PARD3: variants seen among roughly 807,000 people sequenced by gnomAD.
PARD3 encodes partitioning defective 3 homolog.
PARD3 carries 75 observed loss-of-function variants against 155.4 expected under a neutral mutation model. The observed-to-expected ratio is 0.48, with a 90% confidence interval of 0.40 to 0.58. The LOEUF (loss-of-function observed/expected upper bound fraction) is 0.58. PARD3 is among the 20% of genes least tolerant of loss of function. The pLI, the probability that PARD3 is intolerant of heterozygous loss-of-function variation, is 0.00. For synonymous variants in PARD3, 576 were observed against 610.5 expected, an observed-to-expected ratio of 0.94 and a Z score of 0.83; for missense variants, 1,642 against 1,721.7, an observed-to-expected ratio of 0.95 and a Z score of 0.82.
intron 1 of PARD3, among the ~76,000 whole-genome samples, chr10:34,741,190 T>TTTTTTTG (rs1336053440): frequency 1.3e-4 from 18 of 139,030 alleles, no homozygotes; most frequent in Non-Finnish European, 2.5e-4. Flanking sequence ...TTTTTTTTTT[T>TTTTTTTG]TTTTGTTTGA....
intron 2 of PARD3, among the ~76,000 whole-genome samples, chr10:34,590,922 G>A (rs1273824701): frequency 1.3e-5 from 2 of 152,124 alleles, no homozygotes; most frequent in East Asian, 1.9e-4. Flanking sequence ...TCCTTACTAT[G>A]GCCATTTATT....
intron 1 of PARD3, among the ~76,000 whole-genome samples, chr10:34,711,656 C>CA (rs2094450884): frequency 6.6e-6 from 1 of 152,066 alleles, no homozygotes; most frequent in African/African-American, 2.4e-5. Context: ...ATAGAACAAA[C>CA]AAAGCACTGT....
intron 1 of PARD3, among the ~76,000 whole-genome samples, chr10:34,799,313 A>C (rs1842629626): frequency 6.6e-6 from 1 of 152,104 alleles, no homozygotes; most frequent in Admixed American, 6.5e-5. Flanking sequence ...AAGTGCTGGG[A>C]TTACAAGCGG....
intron 22 of PARD3, among the ~76,000 whole-genome samples, chr10:34,223,464 G>C (rs907298425): frequency 6.6e-6 from 1 of 152,144 alleles, no homozygotes; most frequent in Admixed American, 6.5e-5. Context: ...TTTATTGTTG[G>C]GAGAGTTTCT....
intron 2 of PARD3, among the ~76,000 whole-genome samples, chr10:34,658,118 C>T (rs1415500676): frequency 7.9e-5 from 12 of 151,156 alleles, no homozygotes; most frequent in Middle Eastern, 6.8e-3. Context: ...TGCACTCCAG[C>T]CTGGGCGACA....
chr10:34,257,411 T>G (rs1226113851), intron 22 of PARD3, among the ~76,000 whole-genome samples: 1 of 152,218 alleles, frequency 6.6e-6, no homozygotes, highest in Non-Finnish European at 1.5e-5. Context: ...ACCAAGTGAT[T>G]AGGTCAAAAT....
chr10:34,565,618 T>A (rs1391584670), intron 2 of PARD3, among the ~76,000 whole-genome samples: 2 of 152,136 alleles, frequency 1.3e-5, no homozygotes, highest in Middle Eastern at 6.3e-3. Flanking sequence ...CAACTTTGTG[T>A]TCCTGGTTCT....
At chr10:34,674,181 G>A (rs2093659611) in intron 2 of PARD3, among the ~76,000 whole-genome samples, 1 of 151,968 alleles carries the variant, frequency 6.6e-6, no homozygotes, top group African/African-American at 2.4e-5. Flanking sequence ...ACTGTCTATT[G>A]TACAAAGAAC....
At chr10:34,584,494 T>C (rs1362523390) in intron 2 of PARD3, among the ~76,000 whole-genome samples, 1 of 152,182 alleles carries the variant, frequency 6.6e-6, no homozygotes, top group Non-Finnish European at 1.5e-5. Flanking sequence ...CAGATGCTAG[T>C]TTCTTGGCCC....
chr10:34,567,667 A>C (rs2134121674), intron 2 of PARD3, among the ~76,000 whole-genome samples: 1 of 152,344 alleles, frequency 6.6e-6, no homozygotes, highest in East Asian at 1.9e-4. Flanking sequence ...GCACTTTGAC[A>C]ATTTAATCTA....
rs150503991 is a variant in PARD3, at chr10:34,152,217, T to C, written c.3420-20634A>G. Among the ~76,000 whole-genome samples, 663 of 152,262 alleles carry C rather than the reference T, an allele frequency of 4.4e-3. 5 individuals carry two copies. Among genetic ancestry groups the C allele is most frequent in the African/African-American group, 0.015 (608 of 41,530 alleles). ...AGCTAGCAGAGACTTAAAAAAAAATTCCATCAACCTTAGAACTACAGTCTT... is the reference window on the plus strand; with the variant it reads ...AGCTAGCAGAGACTTAAAAAAAAATCCCATCAACCTTAGAACTACAGTCTT... On this transcript the variant is annotated intron_variant, in intron 22 of 24. Transcript: ENST00000374788.
intron 2 of PARD3, among the ~76,000 whole-genome samples, chr10:34,596,199 A>C (rs1033031006): frequency 6.6e-6 from 1 of 151,998 alleles, no homozygotes; most frequent in Admixed American, 6.6e-5. Flanking sequence ...GGGAGCACTC[A>C]AGTTTGTAAG....
chr10:34,193,609 T>G (rs1446909558), intron 22 of PARD3, among the ~76,000 whole-genome samples: 1 of 152,266 alleles, frequency 6.6e-6, no homozygotes, highest in Non-Finnish European at 1.5e-5. Context: ...TGATCAATTC[T>G]GCTCTAAAGA....
intron 2 of PARD3, among the ~76,000 whole-genome samples, chr10:34,694,058 T>C (rs1395784643): frequency 6.6e-6 from 1 of 151,960 alleles, no homozygotes; most frequent in Admixed American, 6.6e-5. Flanking sequence ...TTCCTTTGTA[T>C]GTTTCTGCAT....
At position 34,679,481 on chromosome 10, in the gene PARD3, C is replaced by T. The variant is rs1207550700; in HGVS notation, c.222+16837G>A. On this transcript the variant is annotated intron_variant, in intron 2 of 24. Transcript: ENST00000374788. ...ATCAAATCACCACTCCTACTTCAAA[C>T]CAGGAGCCCTCGGAGTGTGACTATT... 2.6e-5 allele frequency among the ~76,000 whole-genome samples: 4 copies of T among 152,196 alleles called. No homozygotes were observed. The East Asian group carries it at 7.7e-4, about 29-fold the overall frequency.
chr10:34,537,430 G>A (rs190964815), intron 2 of PARD3, among the ~76,000 whole-genome samples: 1 of 152,306 alleles, frequency 6.6e-6, no homozygotes, highest in East Asian at 1.9e-4. Flanking sequence ...TGACACAGAA[G>A]GAAATAAGAG....
intron 20 of PARD3, chr10:34,312,341 C>A (rs376157635): frequency 2.5e-6 from 4 of 1,611,886 alleles, no homozygotes; most frequent in Non-Finnish European, 3.4e-6. Context: ...TGTTTTGAAT[C>A]GCTTTGTTGT....
At chr10:34,480,088 C>A (rs995426531) in intron 3 of PARD3, among the ~76,000 whole-genome samples, 1 of 152,212 alleles carries the variant, frequency 6.6e-6, no homozygotes, top group Admixed American at 6.5e-5. Flanking sequence ...ACAAGGCAGA[C>A]GGCATAGAGC....
rs974684489 is a variant in PARD3 at position 34,628,419 on chromosome 10, G to C, written c.222+67899C>G. Among the ~76,000 whole-genome samples the C allele has an allele frequency of 4.7e-4, 71 of 152,336 alleles. 2 individuals are homozygous for C. The highest frequency in any genetic ancestry group is 4.6e-3 in the Admixed American group (70 of 15,300). On this transcript the variant is annotated intron_variant, in intron 2 of 24. Transcript: ENST00000374788. ...CTGCTACAATTTAGGTGAAGGCTCA[G>C]CACATGCTTCTGTAAAGGGCCACAG...
Sources: gnomAD v4.1 joint callset for allele counts (sites outside exome capture counted in the v4.1 genomes callset) on GRCh38, gnomAD v4.1.1 for gene constraint, MANE v1.5 for transcripts, NCBI Gene and HGNC (gene_info 2026-07-23, HGNC 2026-07-21) for gene names.